The following SGPP1 variants were observed in gnomAD, a reference collection of about 807,000 sequenced individuals.
The protein encoded by SGPP1 is sphingosine-1-phosphate phosphatase 1.
Under a neutral mutation model 33.0 loss-of-function variants are expected in SGPP1, and 21 were observed. The ratio of observed to expected loss-of-function variants is 0.64; its 90% CI spans 0.45 to 0.92. The LOEUF (loss-of-function observed/expected upper bound fraction) is 0.92. SGPP1 is among the 40% of genes least tolerant of loss of function. The probability of loss-of-function intolerance (pLI) is 0.00; values close to 1 mark genes in which losing one functional copy is unlikely to be tolerated. For synonymous variants in SGPP1, 239 were observed against 241.2 expected (o/e 0.99, Z 0.08); for missense variants, 543 against 589.4 (o/e 0.92, Z 0.81).
chr14:63,696,593 A>T (rs1297227547), intron 2 of SGPP1, among the ~76,000 whole-genome samples: 1 of 152,260 alleles, frequency 6.6e-6, no homozygotes, highest in Non-Finnish European at 1.5e-5. Context: ...TGATTACAAA[A>T]TTAGGAGAGA....
intron 2 of SGPP1, among the ~76,000 whole-genome samples, chr14:63,691,897 G>C (rs1390066209): frequency 6.6e-6 from 1 of 151,632 alleles, no homozygotes; most frequent in Non-Finnish European, 1.5e-5. Flanking sequence ...TGTTTGGTTA[G>C]TTAAATTAAG....
rs36105615 is a variant in SGPP1, at chr14:63,708,251, C to CTTT, written c.685-9596_685-9594dup. On this transcript the variant is annotated intron_variant, in intron 1 of 2. Transcript: ENST00000247225. Reference sequence around the variant, plus strand: ...GTACTCACTGGCTATAGCAGCAATCCTTTTTTTTTTTTTTTTTTTTTTGAG... The same window carrying CTTT: ...GTACTCACTGGCTATAGCAGCAATCCTTTTTTTTTTTTTTTTTTTTTTTTTGAG... 4.3e-3 allele frequency among the ~76,000 whole-genome samples: 418 copies of CTTT among 97,898 alleles called. 6 individuals carry two copies. Among genetic ancestry groups the CTTT allele is most frequent in the Non-Finnish European group, 5.5e-3 (272 of 49,112 alleles). The allele number at this position is 97,898 out of a possible 152,430, so 64.2% of individuals were successfully genotyped here.
At chr14:63,701,735 G>A (rs973635482) in intron 1 of SGPP1, among the ~76,000 whole-genome samples, 1 of 152,126 alleles carries the variant, frequency 6.6e-6, no homozygotes, top group Admixed American at 6.5e-5. Context: ...GCAGGGTTTT[G>A]AGTAAAGCTG....
chr14:63,702,493 T>A (rs116352024), intron 1 of SGPP1, among the ~76,000 whole-genome samples: 1 of 152,070 alleles, frequency 6.6e-6, no homozygotes, highest in East Asian at 1.9e-4. Context: ...GCTGATCACT[T>A]GAGATCATGA....
At position 63,686,180 on chromosome 14, in the gene SGPP1, A is replaced by G. The variant is rs1179833016; in HGVS notation, c.1251T>C (p.Tyr417=). Reference sequence around the variant, plus strand: ...AGAAACCAACCATTCCATAGGTAATATACCGATAAGGAAGTTCAACTTCCA... The same window carrying G: ...AGAAACCAACCATTCCATAGGTAATGTACCGATAAGGAAGTTCAACTTCCA... ...QHMEVELPYR[Y]ITYGMVGFSI... is the part of the protein sequence containing the mutation. The change falls in exon 3 of 3, where the codon TAT becomes TAC. Residue 417 remains tyrosine (Y), a synonymous_variant. Coordinates refer to ENST00000247225, the MANE Select transcript of SGPP1 (RefSeq NM_030791.4). 6.2e-7 allele frequency: 1 copy of G among 1,613,916 alleles called. No homozygotes were observed. Among genetic ancestry groups the G allele is most frequent in the Non-Finnish European group, 8.5e-7 (1 of 1,179,778 alleles).
At chr14:63,709,009 A>G (rs901616719) in intron 1 of SGPP1, among the ~76,000 whole-genome samples, 2 of 152,166 alleles carry the variant, frequency 1.3e-5, no homozygotes, top group Non-Finnish European at 2.9e-5. Context: ...TCACTCAAAT[A>G]TATTTTAAGT....
At chr14:63,698,981 T>C (rs1885244703) in intron 1 of SGPP1, among the ~76,000 whole-genome samples, 1 of 152,216 alleles carries the variant, frequency 6.6e-6, no homozygotes, top group Non-Finnish European at 1.5e-5. Flanking sequence ...GACATACTTT[T>C]AATATGGCCA....
At chr14:63,697,170 A>G (rs1465633253) in intron 2 of SGPP1, among the ~76,000 whole-genome samples, 2 of 152,096 alleles carry the variant, frequency 1.3e-5, no homozygotes, top group African/African-American at 2.4e-5. Context: ...TACCCCTTGA[A>G]TCTAAAATTA....
intron 1 of SGPP1, among the ~76,000 whole-genome samples, chr14:63,706,906 G>A (rs980690295): frequency 9.9e-5 from 15 of 151,860 alleles, no homozygotes; most frequent in African/African-American, 3.6e-4. Context: ...AGCTGGGCCT[G>A]GTAGCATGCG....
chr14:63,706,085 T>G (rs1422289541), intron 1 of SGPP1, among the ~76,000 whole-genome samples: 1 of 152,244 alleles, frequency 6.6e-6, no homozygotes, highest in Non-Finnish European at 1.5e-5. Context: ...AACAATGGAA[T>G]AGTAGTCAAC....
At chr14:63,706,139 C>T (rs1885404190) in intron 1 of SGPP1, among the ~76,000 whole-genome samples, 1 of 152,152 alleles carries the variant, frequency 6.6e-6, no homozygotes, top group South Asian at 2.1e-4. Flanking sequence ...CATGGATGAA[C>T]TTAAAAAACA....
intron 1 of SGPP1, among the ~76,000 whole-genome samples, chr14:63,706,231 C>A (rs534025876): frequency 6.6e-6 from 1 of 152,138 alleles, no homozygotes; most frequent in Admixed American, 6.5e-5. Flanking sequence ...AATAGGTAAA[C>A]CTATACAGCC....
chr14:63,702,290 C>T (rs543078105), intron 1 of SGPP1, among the ~76,000 whole-genome samples: 4 of 152,240 alleles, frequency 2.6e-5, no homozygotes, highest in Middle Eastern at 3.4e-3. Flanking sequence ...CTCCATGGCA[C>T]CTTCAGATTT....
At chr14:63,696,006 A>C (rs950726013) in intron 2 of SGPP1, among the ~76,000 whole-genome samples, 1 of 152,118 alleles carries the variant, frequency 6.6e-6, no homozygotes, top group Non-Finnish European at 1.5e-5. Context: ...GAACAGTATC[A>C]GCCAGGCATG....
intron 1 of SGPP1, among the ~76,000 whole-genome samples, chr14:63,699,512 G>T (rs76875336): frequency 6.6e-6 from 1 of 152,178 alleles, no homozygotes; most frequent in Non-Finnish European, 1.5e-5. Flanking sequence ...AAGTAAGCTT[G>T]TAAGAAGAGT....
chr14:63,719,178 CA>C (rs1885717714), intron 1 of SGPP1, among the ~76,000 whole-genome samples: 1 of 150,314 alleles, frequency 6.7e-6, no homozygotes, highest in African/African-American at 2.4e-5. Context: ...AGGTGCTTGT[CA>C]CCACACCCGG....
intron 1 of SGPP1, among the ~76,000 whole-genome samples, chr14:63,717,108 A>C (rs763489499): frequency 6.6e-6 from 1 of 152,176 alleles, no homozygotes; most frequent in Non-Finnish European, 1.5e-5. Context: ...TATAAACTAC[A>C]CAGAATCTGA....
intron 2 of SGPP1, among the ~76,000 whole-genome samples, chr14:63,692,936 C>A (rs1885115859): frequency 1.3e-5 from 2 of 152,100 alleles, no homozygotes; most frequent in African/African-American, 2.4e-5. Flanking sequence ...AACCTCTATT[C>A]TTCATATTTC....
At chr14:63,726,589 A>G (rs1403643243) in intron 1 of SGPP1, among the ~76,000 whole-genome samples, 1 of 151,652 alleles carries the variant, frequency 6.6e-6, no homozygotes, top group Admixed American at 6.6e-5. Context: ...AGGCAATAAC[A>G]CTATAGTATT....
Sources: gnomAD v4.1 joint callset for allele counts (sites outside exome capture counted in the v4.1 genomes callset) on GRCh38, gnomAD v4.1.1 for gene constraint, MANE v1.5 for transcripts, NCBI Gene and HGNC (gene_info 2026-07-23, HGNC 2026-07-21) for gene names.